PRKCE: variants seen among roughly 807,000 people sequenced by gnomAD.
PRKCE encodes the protein protein kinase C epsilon.
PRKCE carries 16 observed loss-of-function variants against 85.4 expected under a neutral mutation model. The ratio of observed to expected loss-of-function variants is 0.19; its 90% CI spans 0.13 to 0.28. PRKCE has a LOEUF of 0.28. PRKCE is among the 10% of genes least tolerant of loss of function. The pLI is 1.00. For synonymous variants in PRKCE, 388 were observed against 371.5 expected, an observed-to-expected ratio of 1.04 and a Z score of -0.51; for missense variants, 573 against 975.2, an observed-to-expected ratio of 0.59 and a Z score of 5.49.
At chr2:45,950,220 G>A (rs1210257474) in intron 2 of PRKCE, among the ~76,000 whole-genome samples, 4 of 152,130 alleles carry the variant, frequency 2.6e-5, no homozygotes, top group East Asian at 1.9e-4. Flanking sequence ...GGCTGAAGCC[G>A]TCTTCAGTGA....
chr2:45,932,217 A>T (rs562481652), intron 2 of PRKCE, among the ~76,000 whole-genome samples: 1 of 152,216 alleles, frequency 6.6e-6, no homozygotes, highest in African/African-American at 2.4e-5. Flanking sequence ...TTCATTCAAC[A>T]TTAGGTTTCT....
At chr2:45,706,181 G>T (rs897315759) in intron 1 of PRKCE, among the ~76,000 whole-genome samples, 1 of 152,176 alleles carries the variant, frequency 6.6e-6, no homozygotes. Context: ...AGTTGATGCT[G>T]GGGTAGGAAT....
At chr2:45,928,764 T>C (rs114891130) in intron 2 of PRKCE, among the ~76,000 whole-genome samples, 4 of 152,218 alleles carry the variant, frequency 2.6e-5, no homozygotes, top group African/African-American at 7.2e-5. Context: ...CCCCCACTAA[T>C]AGTGTGGATG....
intron 13 of PRKCE, among the ~76,000 whole-genome samples, chr2:46,157,424 A>G (rs1461492498): frequency 6.6e-6 from 1 of 152,150 alleles, no homozygotes; most frequent in Non-Finnish European, 1.5e-5. Flanking sequence ...ACATTCAGTA[A>G]TGTCTGGAGA....
At chr2:45,703,027 C>CCCG (rs1553382517) in intron 1 of PRKCE, among the ~76,000 whole-genome samples, 2 of 151,688 alleles carry the variant, frequency 1.3e-5, no homozygotes, top group African/African-American at 4.8e-5. Flanking sequence ...TTTTTCCCCC[C>CCCG]CCGTCAGGAA....
chr2:45,743,693 C>T (rs1383066910), intron 1 of PRKCE, among the ~76,000 whole-genome samples: 7 of 152,168 alleles, frequency 4.6e-5, no homozygotes, highest in Non-Finnish European at 5.9e-5. Context: ...TCTTTTCCCC[C>T]GACTGCTTCT....
chr2:46,063,050 T>A (rs1667300141), intron 10 of PRKCE, among the ~76,000 whole-genome samples: 2 of 152,232 alleles, frequency 1.3e-5, no homozygotes, highest in Admixed American at 1.3e-4. Flanking sequence ...GCTGATCATT[T>A]TATTCTCCAT....
chr2:46,107,751 C>G (rs952138323), intron 11 of PRKCE, among the ~76,000 whole-genome samples: 1 of 152,122 alleles, frequency 6.6e-6, no homozygotes, highest in Non-Finnish European at 1.5e-5. Context: ...TGTAGTCATT[C>G]TAATAGGTGG....
intron 2 of PRKCE, among the ~76,000 whole-genome samples, chr2:45,888,649 A>G (rs1009330027): frequency 6.6e-6 from 1 of 151,810 alleles, no homozygotes; most frequent in African/African-American, 2.4e-5. Flanking sequence ...TGGGGGTTTC[A>G]CCATGTTGGC....
At chr2:45,674,576 G>A (rs1179314732) in intron 1 of PRKCE, 3 of 152,136 alleles carry the variant, frequency 2.0e-5, no homozygotes. Flanking sequence ...ACCTCACTTT[G>A]GAAATGCTTG....
chr2:45,923,976 G>A (rs907690672), intron 2 of PRKCE, among the ~76,000 whole-genome samples: 1 of 152,054 alleles, frequency 6.6e-6, no homozygotes, highest in African/African-American at 2.4e-5. Context: ...GGAGAGAGGT[G>A]TACATTAATC....
intron 11 of PRKCE, among the ~76,000 whole-genome samples, chr2:46,095,613 T>G (rs895908363): frequency 6.6e-6 from 1 of 152,258 alleles, no homozygotes; most frequent in Admixed American, 6.5e-5. Context: ...ATGGAAATTC[T>G]GCAGCAAAAA....
At chr2:45,893,079 C>T (rs1483032318) in intron 2 of PRKCE, among the ~76,000 whole-genome samples, 1 of 152,146 alleles carries the variant, frequency 6.6e-6, no homozygotes, top group Non-Finnish European at 1.5e-5. Flanking sequence ...CTCACAGAAC[C>T]CTGCAGGCCA....
chr2:45,990,543 A>G (rs1448939477), intron 6 of PRKCE, among the ~76,000 whole-genome samples: 4 of 152,060 alleles, frequency 2.6e-5, no homozygotes, highest in African/African-American at 9.7e-5. Flanking sequence ...CGTCTTGTCT[A>G]TGGGGTCTAC....
chr2:45,831,581 A>G (rs1463643991), intron 1 of PRKCE, among the ~76,000 whole-genome samples: 2 of 152,380 alleles, frequency 1.3e-5, no homozygotes, highest in South Asian at 2.1e-4. Context: ...TTTGTGATGT[A>G]TAACTTTTGT....
intron 9 of PRKCE, among the ~76,000 whole-genome samples, chr2:46,009,208 C>G (rs1167530118): frequency 1.3e-5 from 2 of 152,112 alleles, no homozygotes; most frequent in Admixed American, 6.5e-5. Context: ...TAAAGGCAAA[C>G]AAGGACAGAT....
At chr2:45,980,672 A>G (rs921469108) in intron 5 of PRKCE, among the ~76,000 whole-genome samples, 1 of 152,200 alleles carries the variant, frequency 6.6e-6, no homozygotes, top group Admixed American at 6.5e-5. Flanking sequence ...TCATCTCATC[A>G]GAACTAAAAT....
At chr2:45,939,234 G>C (rs1373952218) in intron 2 of PRKCE, among the ~76,000 whole-genome samples, 1 of 152,212 alleles carries the variant, frequency 6.6e-6, no homozygotes, top group East Asian at 1.9e-4. Context: ...CAAGTGCCAA[G>C]TGCTGTTATT....
chr2:46,018,104 G>C (rs1365535214), intron 10 of PRKCE, among the ~76,000 whole-genome samples: 1 of 152,226 alleles, frequency 6.6e-6, no homozygotes, highest in Non-Finnish European at 1.5e-5. Flanking sequence ...GCTGGCAAGA[G>C]GAGCAGGGTT....
Sources: gnomAD v4.1 joint callset for allele counts (sites outside exome capture counted in the v4.1 genomes callset) on GRCh38, gnomAD v4.1.1 for gene constraint, MANE v1.5 for transcripts, NCBI Gene and HGNC (gene_info 2026-07-23, HGNC 2026-07-21) for gene names.